The following CHRM3 variants were observed in gnomAD, a reference collection of about 807,000 sequenced individuals.
CHRM3 encodes cholinergic receptor muscarinic 3.
CHRM3 carries 11 observed loss-of-function variants against 41.8 expected under a neutral mutation model. That is an observed-to-expected ratio of 0.26 (90% CI 0.17 to 0.44). The LOEUF (loss-of-function observed/expected upper bound fraction) is 0.44, where lower values mean the gene tolerates loss of function less well. Among genes scored for constraint, CHRM3 ranks in the 20% least tolerant of loss-of-function variants. The pLI, the probability that CHRM3 is intolerant of heterozygous loss-of-function variation, is 1.00. For synonymous variants in CHRM3, 297 were observed against 301.4 expected (o/e 0.99, Z 0.15); for missense variants, 571 against 745.4 (o/e 0.77, Z 2.72).
intron 4 of CHRM3, among the ~76,000 whole-genome samples, chr1:239,674,944 G>T (rs185173301): frequency 1.3e-5 from 2 of 152,122 alleles, no homozygotes; most frequent in East Asian, 3.9e-4. Context: ...ACTCCTCCTC[G>T]CTGTCTCTGC....
chr1:239,883,288 C>G (rs1677799621), intron 6 of CHRM3, among the ~76,000 whole-genome samples: 1 of 152,200 alleles, frequency 6.6e-6, no homozygotes, highest in Non-Finnish European at 1.5e-5. Context: ...TTAGAGGCAT[C>G]TCTTCCCCAC....
chr1:239,477,584 A>G (rs888952412), intron 1 of CHRM3, among the ~76,000 whole-genome samples: 1 of 152,188 alleles, frequency 6.6e-6, no homozygotes, highest in Non-Finnish European at 1.5e-5. Context: ...AAATATCTAC[A>G]TGACAGCTCA....
intron 6 of CHRM3, among the ~76,000 whole-genome samples, chr1:239,847,810 G>A (rs1674391593): frequency 6.6e-6 from 1 of 152,092 alleles, no homozygotes; most frequent in Admixed American, 6.6e-5. Flanking sequence ...AGCTACTCTA[G>A]AGGCTGAGGT....
At chr1:239,795,736 A>G (rs984849405) in intron 5 of CHRM3, among the ~76,000 whole-genome samples, 4 of 152,234 alleles carry the variant, frequency 2.6e-5, no homozygotes, top group African/African-American at 4.8e-5. Context: ...AAAGATTCAT[A>G]ATTTTTACTG....
chr1:239,837,749 A>T (rs622628), intron 6 of CHRM3, among the ~76,000 whole-genome samples: 2 of 152,094 alleles, frequency 1.3e-5, no homozygotes, highest in African/African-American at 4.8e-5. Flanking sequence ...ATCTCCAATC[A>T]CCAATCTCCT....
At chr1:239,861,267 G>A (rs1675615546) in intron 6 of CHRM3, among the ~76,000 whole-genome samples, 1 of 152,078 alleles carries the variant, frequency 6.6e-6, no homozygotes. Flanking sequence ...CTTCTGTGAA[G>A]GCAAGTGTTT....
At chr1:239,871,787 A>G (rs1676609536) in intron 6 of CHRM3, among the ~76,000 whole-genome samples, 2 of 152,144 alleles carry the variant, frequency 1.3e-5, no homozygotes, top group Non-Finnish European at 2.9e-5. Context: ...CCTGATAAAA[A>G]TCTCTTAACC....
intron 5 of CHRM3, among the ~76,000 whole-genome samples, chr1:239,721,756 C>CTA (rs1477138685): frequency 6.6e-6 from 1 of 151,866 alleles, no homozygotes; most frequent in East Asian, 1.9e-4. Flanking sequence ...GAAGTCTTTA[C>CTA]TATATAATCT....
At chr1:239,799,881 T>G (rs2841040) in intron 5 of CHRM3, among the ~76,000 whole-genome samples, 87,230 of 152,054 alleles carry the variant, frequency 0.57, 26,847 homozygotes, top group African/African-American at 0.81. Context: ...CGTTGGAAGC[T>G]TAGACTGTAA....
intron 4 of CHRM3, among the ~76,000 whole-genome samples, chr1:239,636,106 G>A (rs941648563): frequency 3.9e-5 from 6 of 152,148 alleles, no homozygotes; most frequent in Non-Finnish European, 5.9e-5. Flanking sequence ...AATATTGGGC[G>A]ACAGGGCTCC....
intron 1 of CHRM3, among the ~76,000 whole-genome samples, chr1:239,398,530 G>A (rs1188576802): frequency 2.0e-5 from 3 of 152,006 alleles, no homozygotes; most frequent in Admixed American, 6.6e-5. Context: ...GAGCCACCAC[G>A]CCTGGCCAAT....
chr1:239,387,404 TG>T lies in CHRM3; in HGVS notation c.-521+181del, dbSNP rs1478785348. On this transcript the variant is annotated intron_variant, in intron 1 of 6. Transcript: ENST00000676153. The surrounding 1 kb of genome is among the most constrained non-coding windows in gnomAD (Gnocchi z 5.1). ...GTAGGGACGAGAGAGGCTGTTGATT[TG>T]GGGAAGATGGGGGCACTTGAATTCC... 1.3e-5 allele frequency among the ~76,000 whole-genome samples: 2 copies of T among 151,678 alleles called. No individual in the cohort carries two copies. The highest frequency in any genetic ancestry group is 4.8e-5 in the African/African-American group (2 of 41,254).
chr1:239,401,431 C>A (rs1659963279), intron 1 of CHRM3, among the ~76,000 whole-genome samples: 1 of 152,126 alleles, frequency 6.6e-6, no homozygotes, highest in Non-Finnish European at 1.5e-5. Context: ...ACCCTTGCAA[C>A]TTTTCAAGTT....
chr1:239,733,880 A>G (rs1558496300), intron 5 of CHRM3, among the ~76,000 whole-genome samples: 1 of 152,054 alleles, frequency 6.6e-6, no homozygotes, highest in Non-Finnish European at 1.5e-5. Context: ...AATATAAAAT[A>G]TATCATCTTT....
At chr1:239,480,850 G>A (rs986116955) in intron 1 of CHRM3, among the ~76,000 whole-genome samples, 14 of 152,084 alleles carry the variant, frequency 9.2e-5, no homozygotes, top group South Asian at 2.1e-4. Flanking sequence ...GAGCCACTGC[G>A]CCTGGCCAAT....
intron 2 of CHRM3, among the ~76,000 whole-genome samples, chr1:239,516,633 A>G (rs771600941): frequency 7.9e-5 from 12 of 152,178 alleles, no homozygotes; most frequent in Non-Finnish European, 1.8e-4. Flanking sequence ...GCAGTGCATG[A>G]ATCTTGCAGG....
intron 2 of CHRM3, among the ~76,000 whole-genome samples, chr1:239,500,471 TG>T (rs1377518570): frequency 1.8e-5 from 1 of 54,122 alleles, no homozygotes; most frequent in Non-Finnish European, 3.8e-5. Context: ...TGTTATGGGG[TG>T]GGGGGATGGG....
chr1:239,568,095 C>A (rs1285991923), intron 3 of CHRM3, among the ~76,000 whole-genome samples: 1 of 152,174 alleles, frequency 6.6e-6, no homozygotes, highest in Non-Finnish European at 1.5e-5. Flanking sequence ...GCAACCCCCA[C>A]TCAGCCTCCT....
At chr1:239,404,386 A>G (rs1242941733) in intron 1 of CHRM3, among the ~76,000 whole-genome samples, 2 of 82,196 alleles carry the variant, frequency 2.4e-5, no homozygotes, top group Non-Finnish European at 4.7e-5. Flanking sequence ...GAAAGAAAGA[A>G]AGAAAGAAAG....
Sources: gnomAD v4.1 joint callset for allele counts (sites outside exome capture counted in the v4.1 genomes callset) on GRCh38, gnomAD v4.1.1 for gene constraint, Gnocchi (gnomAD v3.1) non-coding constraint, MANE v1.5 for transcripts, NCBI Gene and HGNC (gene_info 2026-07-23, HGNC 2026-07-21) for gene names.